Variants in COPS2 observed in about 807,000 individuals in gnomAD.
COPS2 encodes the protein COP9 signalosome complex subunit 2.
Under a neutral mutation model 66.1 loss-of-function variants are expected in COPS2, and 10 were observed. The observed-to-expected ratio is 0.15, with a 90% confidence interval of 0.09 to 0.26. COPS2 has a LOEUF of 0.26. Among genes scored for constraint, COPS2 ranks in the 10% least tolerant of loss-of-function variants. The pLI, the probability that COPS2 is intolerant of heterozygous loss-of-function variation, is 1.00. For synonymous variants in COPS2, 179 were observed against 171.3 expected (o/e 1.04, Z -0.35); for missense variants, 215 against 513.3 (o/e 0.42, Z 5.62).
chr15:49,131,952 T>A (rs2084212621), intron 9 of COPS2, among the ~76,000 whole-genome samples: 1 of 152,136 alleles, frequency 6.6e-6, no homozygotes, highest in Non-Finnish European at 1.5e-5. Flanking sequence ...GCTGGAGTAG[T>A]TGGATATAAT....
At chr15:49,143,977 G>GAA (rs1196475455) in intron 3 of COPS2, among the ~76,000 whole-genome samples, 2 of 148,418 alleles carry the variant, frequency 1.3e-5, no homozygotes, top group African/African-American at 4.9e-5. Context: ...CAGAGCGGGG[G>GAA]AAAAAAAAAA....
At chr15:49,141,739 C>T (rs1252098994) in intron 3 of COPS2, among the ~76,000 whole-genome samples, 1 of 152,122 alleles carries the variant, frequency 6.6e-6, no homozygotes, top group East Asian at 1.9e-4. Flanking sequence ...TGAAATCACT[C>T]TTGTGAACCA....
In COPS2 at chr15:49,123,423, C is replaced by A. The variant is rs561443734; in HGVS notation, c.*4527G>T. The A allele has an allele frequency of 2.6e-5, 4 of 152,232 alleles. No individual in the cohort carries two copies. In the East Asian group the frequency reaches 5.8e-4, roughly 22 times the overall value. The allele number at this position is 152,232 out of a possible 1,614,324, so 9.4% of individuals were successfully genotyped here. On this transcript the variant is annotated 3_prime_UTR_variant, in exon 13 of 13. Coordinates refer to ENST00000388901, the MANE Select transcript of COPS2 (RefSeq NM_004236.4). ...GCAAGTTACTGGTACACTGGTAATT[C>A]TTTTCATGGCATATGACATTTGCCT...
rs373020332 is a variant in COPS2, at chr15:49,130,024, C to T, written c.1046-465G>A. 5.4e-4 allele frequency among the ~76,000 whole-genome samples: 82 copies of T among 152,192 alleles called. No homozygotes were observed. In the South Asian group the frequency reaches 0.016, roughly 30 times the overall value. On this transcript the variant is annotated intron_variant, in intron 10 of 12. Coordinates refer to ENST00000388901, the MANE Select transcript of COPS2 (RefSeq NM_004236.4). Reference sequence around the variant, plus strand: ...TTGAAATTCATGTACAAAGATTCTACGTTTTTCTATATCTATAAACTGCAG... The same window carrying T: ...TTGAAATTCATGTACAAAGATTCTATGTTTTTCTATATCTATAAACTGCAG...
intron 1 of COPS2, among the ~76,000 whole-genome samples, chr15:49,147,705 A>C (rs2084330222): frequency 6.8e-6 from 1 of 147,732 alleles, no homozygotes; most frequent in Non-Finnish European, 1.5e-5. Flanking sequence ...GAGATTTCTA[A>C]ACTTTAGATG....
At chr15:49,130,932 ACTTT>A in intron 9 of COPS2, 116 bp from the exon 10 acceptor site, 1 of 488,944 alleles carries the variant, frequency 2.0e-6, no homozygotes. Context: ...ATAATATTAT[ACTTT>A]CTGTCATGGA....
rs146194031 is a variant in COPS2 at position 49,129,665 on chromosome 15, TG to T, written c.1046-107del. ...TCTTCTCAAAATACATCTTCCTGCTTGGCAATGATATAAAGTGTTTAGATTT... is the reference window on the plus strand; with the variant it reads ...TCTTCTCAAAATACATCTTCCTGCTTGCAATGATATAAAGTGTTTAGATTT... On this transcript the variant is annotated intron_variant, in intron 10 of 12. Coordinates refer to ENST00000388901, the MANE Select transcript of COPS2 (RefSeq NM_004236.4). 13 of 507,818 alleles carry T rather than the reference TG, an allele frequency of 2.6e-5. No individual in the cohort carries two copies. In the East Asian group the frequency reaches 4.7e-4, roughly 18 times the overall value. 31.5% of individuals were successfully genotyped at this position (507,818 alleles called of 1,614,324 possible).
intron 3 of COPS2, among the ~76,000 whole-genome samples, chr15:49,142,040 G>C (rs577028156): frequency 1.3e-5 from 2 of 152,148 alleles, no homozygotes; most frequent in Non-Finnish European, 2.9e-5. Flanking sequence ...TCTGTCCCTT[G>C]AAACACTTGG....
intron 1 of COPS2, 70 bp downstream of exon 1, chr15:49,155,455 G>A (rs956247760): frequency 7.5e-6 from 11 of 1,464,970 alleles, no homozygotes; most frequent in East Asian, 2.3e-5. Context: ...GAGAGGCCGC[G>A]GGCGCCCCGG....
intron 1 of COPS2, among the ~76,000 whole-genome samples, chr15:49,148,803 T>C (rs1332281772): frequency 6.6e-6 from 1 of 152,058 alleles, no homozygotes; most frequent in Non-Finnish European, 1.5e-5. Context: ...TGTTAAACAA[T>C]GTTAAGGATG....
chr15:49,149,223 A>G (rs566250320), intron 1 of COPS2, among the ~76,000 whole-genome samples: 97 of 152,320 alleles, frequency 6.4e-4, no homozygotes, highest in Middle Eastern at 3.4e-3. Context: ...CCACACAACC[A>G]AAATCTACTC....
chr15:49,150,383 T>C (rs2084351733), intron 1 of COPS2, among the ~76,000 whole-genome samples: 1 of 152,178 alleles, frequency 6.6e-6, no homozygotes, highest in African/African-American at 2.4e-5. Flanking sequence ...GTCTTTGATA[T>C]TTTTTGAACT....
intron 1 of COPS2, among the ~76,000 whole-genome samples, chr15:49,152,016 G>A (rs181020963): frequency 2.0e-5 from 3 of 151,720 alleles, no homozygotes; most frequent in Admixed American, 2.0e-4. Context: ...ATAAAGATAT[G>A]CTGAGTATCA....
intron 9 of COPS2, among the ~76,000 whole-genome samples, chr15:49,131,053 G>A (rs762546026): frequency 1.1e-4 from 16 of 151,846 alleles, no homozygotes; most frequent in Non-Finnish European, 2.4e-4. Context: ...TTCTTTTGGG[G>A]TTATATACTA....
chr15:49,152,742 G>C (rs922860722), intron 1 of COPS2, among the ~76,000 whole-genome samples: 1 of 152,182 alleles, frequency 6.6e-6, no homozygotes, highest in Admixed American at 6.5e-5. Context: ...AGAATCGCTC[G>C]AACCTGGGAG....
intron 10 of COPS2, among the ~76,000 whole-genome samples, chr15:49,130,457 AT>A (rs1301612535): frequency 6.6e-6 from 1 of 152,166 alleles, no homozygotes; most frequent in Non-Finnish European, 1.5e-5. Context: ...TCTATATTAG[AT>A]TTTTTTAAAA....
At chr15:49,130,359 G>A (rs1229271705) in intron 10 of COPS2, among the ~76,000 whole-genome samples, 1 of 151,984 alleles carries the variant, frequency 6.6e-6, no homozygotes, top group African/African-American at 2.4e-5. Flanking sequence ...TCTATAGCAG[G>A]ATATTTTCAT....
intron 2 of COPS2, 27 bp downstream of exon 2, chr15:49,144,938 T>A (rs190138782): frequency 7.7e-7 from 1 of 1,300,888 alleles, no homozygotes; most frequent in East Asian, 2.4e-5. Context: ...AATTAACACA[T>A]AGAATCAAAT....
intron 3 of COPS2, among the ~76,000 whole-genome samples, chr15:49,143,565 G>A (rs535657899): frequency 6.6e-6 from 1 of 152,300 alleles, no homozygotes; most frequent in Non-Finnish European, 1.5e-5. Context: ...AATAGACAAT[G>A]AGAAGAGTTA....
Sources: gnomAD v4.1 joint callset for allele counts (sites outside exome capture counted in the v4.1 genomes callset) on GRCh38, gnomAD v4.1.1 for gene constraint, MANE v1.5 for transcripts, NCBI Gene and HGNC (gene_info 2026-07-23, HGNC 2026-07-21) for gene names.